Variants in CAV1 observed in about 807,000 individuals in gnomAD.
The protein encoded by CAV1 is caveolin 1, also known as caveolin-1.
In CAV1, 10 loss-of-function variants were observed where a neutral mutation model predicts 16.5. That is an observed-to-expected ratio of 0.61 (90% confidence interval 0.37 to 1.03). CAV1 has a LOEUF of 1.03. CAV1 is among the 50% of genes least tolerant of loss of function. The pLI is 0.01. For synonymous variants in CAV1, 76 were observed against 85.1 expected (o/e 0.89, Z 0.59); for missense variants, 212 against 232.8 (o/e 0.91, Z 0.58).
rs1482008054 is a variant in CAV1 at position 116,559,619 on chromosome 7, A to G, written c.*332A>G. ...AAATATGAAGAACTGAGGAGGAAAA[A>G]AAAAAAAAAGAAAAGAACCAACAAC... On this transcript the variant is annotated 3_prime_UTR_variant, in exon 3 of 3. Transcript: ENST00000341049. 2 of 523,520 alleles carry G rather than the reference A, an allele frequency of 3.8e-6. No homozygotes were observed. The highest frequency in any genetic ancestry group is 6.6e-6 in the Non-Finnish European group (2 of 301,490). The allele number at this position is 523,520 out of a possible 1,614,324, so 32.4% of individuals were successfully genotyped here.
intron 2 of CAV1, among the ~76,000 whole-genome samples, chr7:116,528,821 TTTTA>T (rs993710870): frequency 6.6e-6 from 1 of 151,886 alleles, no homozygotes. Context: ...TTATTTTTAT[TTTTA>T]TTTATTTATT....
At chr7:116,538,551 G>T in intron 2 of CAV1, among the ~76,000 whole-genome samples, 1 of 152,156 alleles carries the variant, frequency 6.6e-6, no homozygotes, top group Non-Finnish European at 1.5e-5. Flanking sequence ...TGAGAGCGAG[G>T]CTTTTTAGTA....
intron 2 of CAV1, among the ~76,000 whole-genome samples, chr7:116,541,932 G>A (rs370751426): frequency 6.6e-5 from 10 of 152,044 alleles, no homozygotes; most frequent in African/African-American, 2.2e-4. Context: ...TTTAACTGGC[G>A]CATAACAGCC....
At chr7:116,525,903 G>C in intron 1 of CAV1, 1 of 921,112 alleles carries the variant, frequency 1.1e-6, no homozygotes, top group Non-Finnish European at 1.3e-6. Flanking sequence ...ATTGAGCAGG[G>C]AGAGCCGTGG....
chr7:116,544,785 C>T (rs1293848237), intron 2 of CAV1, among the ~76,000 whole-genome samples: 2 of 152,160 alleles, frequency 1.3e-5, no homozygotes, highest in African/African-American at 2.4e-5. Flanking sequence ...GACTTCCTCT[C>T]TTACCTTAAA....
In CAV1 at chr7:116,559,273, C is replaced by A; in HGVS notation, c.523C>A (p.Gln175Lys). ...KIFSNVRINL[Q>K]KEI ...ATTCAGCAATGTCCGCATCAACTTGCAGAAAGAAATATAAATGACATTTCA... is the reference window on the plus strand; with the variant it reads ...ATTCAGCAATGTCCGCATCAACTTGAAGAAAGAAATATAAATGACATTTCA... The change falls in exon 3 of 3, where the codon CAG (glutamine) becomes AAG (lysine). Residue 175 changes from glutamine to lysine, a missense_variant. By Grantham distance (53) the Gln-to-Lys change is moderately conservative (BLOSUM62 1). Transcript: ENST00000341049. The A allele has an allele frequency of 6.2e-7, 1 of 1,611,732 alleles. No homozygotes were observed. Among genetic ancestry groups the A allele is most frequent in the Non-Finnish European group, 8.5e-7 (1 of 1,177,926 alleles).
intron 2 of CAV1, among the ~76,000 whole-genome samples, chr7:116,534,545 G>T (rs1481424766): frequency 4.7e-5 from 7 of 149,438 alleles, no homozygotes; most frequent in Admixed American, 1.3e-4. Flanking sequence ...GACTACAGGC[G>T]CCCGCCACCA....
chr7:116,547,431 G>A (rs1408234472), intron 2 of CAV1, among the ~76,000 whole-genome samples: 2 of 152,176 alleles, frequency 1.3e-5, no homozygotes, highest in African/African-American at 4.8e-5. Flanking sequence ...AGATGAAAAG[G>A]AATTAATCCA....
intron 2 of CAV1, among the ~76,000 whole-genome samples, chr7:116,549,483 A>G (rs1376759809): frequency 6.6e-6 from 1 of 152,190 alleles, no homozygotes; most frequent in African/African-American, 2.4e-5. Flanking sequence ...TTTCATTTTG[A>G]GAATGGTTGT....
At chr7:116,536,511 C>T (rs1159496019) in intron 2 of CAV1, among the ~76,000 whole-genome samples, 4 of 152,178 alleles carry the variant, frequency 2.6e-5, no homozygotes, top group Non-Finnish European at 5.9e-5. Flanking sequence ...TTACCAGGAA[C>T]AGGGTCCCAG....
chr7:116,549,845 A>G (rs1002933290), intron 2 of CAV1, among the ~76,000 whole-genome samples: 5 of 152,178 alleles, frequency 3.3e-5, no homozygotes, highest in Admixed American at 3.3e-4. Flanking sequence ...AGATGTTTGT[A>G]GTAGACACAG....
chr7:116,525,227 A>C, intron 1 of CAV1, 135 bp downstream of exon 1: 1 of 1,611,566 alleles, frequency 6.2e-7, no homozygotes, highest in Non-Finnish European at 8.5e-7. Context: ...TGGCGTTGGC[A>C]CCGCTGAGGA....
intron 1 of CAV1, chr7:116,525,383 T>A: frequency 6.6e-7 from 1 of 1,520,062 alleles, no homozygotes; most frequent in Non-Finnish European, 8.9e-7. Flanking sequence ...CAGGACGCGT[T>A]TTCTGGATGG....
chr7:116,547,207 G>T (rs1794069086), intron 2 of CAV1, among the ~76,000 whole-genome samples: 2 of 152,112 alleles, frequency 1.3e-5, no homozygotes, highest in Admixed American at 1.3e-4. Context: ...AGTGTCTGGG[G>T]ATTAGAACTT....
chr7:116,530,322 A>C (rs908496035), intron 2 of CAV1, among the ~76,000 whole-genome samples: 1 of 149,676 alleles, frequency 6.7e-6, no homozygotes, highest in Non-Finnish European at 1.5e-5. Context: ...TCCCCCTTTT[A>C]ACTGACATAC....
At chr7:116,538,561 A>C (rs971881238) in intron 2 of CAV1, among the ~76,000 whole-genome samples, 1 of 152,232 alleles carries the variant, frequency 6.6e-6, no homozygotes, top group South Asian at 2.1e-4. Flanking sequence ...GCTTTTTAGT[A>C]GGAAGAGAAA....
chr7:116,548,279 G>T (rs183379845), intron 2 of CAV1, among the ~76,000 whole-genome samples: 103 of 152,298 alleles, frequency 6.8e-4, no homozygotes, highest in African/African-American at 2.4e-3. Context: ...TAAAGAAATG[G>T]AATAAGGGGA....
At chr7:116,555,448 AAAGG>A (rs113043378) in intron 2 of CAV1, among the ~76,000 whole-genome samples, 2,217 of 37,412 alleles carry the variant, frequency 0.059, 413 homozygotes, top group African/African-American at 0.16. Context: ...CCAAAAAAAG[AAAGG>A]AAGGAAGGAA....
chr7:116,542,309 T>C (rs556921669), intron 2 of CAV1, among the ~76,000 whole-genome samples: 1 of 152,324 alleles, frequency 6.6e-6, no homozygotes, highest in South Asian at 2.1e-4. Flanking sequence ...TTCTTCACCC[T>C]GGCTGCAAAT....
Sources: allele counts gnomAD v4.1 joint callset (sites outside exome capture counted in the v4.1 genomes callset), GRCh38; gene constraint gnomAD v4.1.1; transcripts MANE v1.5; gene names NCBI Gene and HGNC (gene_info 2026-07-23, HGNC 2026-07-21).